Variants in EPHB1 observed in about 807,000 individuals in gnomAD.
EPHB1 encodes ephrin type-B receptor 1.
EPHB1 carries 30 observed loss-of-function variants against 94.4 expected under a neutral mutation model. That is an observed-to-expected ratio of 0.32 (90% confidence interval 0.24 to 0.43). The LOEUF is 0.43. Among genes scored for constraint, EPHB1 ranks in the 20% least tolerant of loss-of-function variants. EPHB1 has a pLI of 1.00. For missense variants in EPHB1, 1,055 were observed against 1,308.3 expected (o/e 0.81, Z 2.99); for synonymous variants, 522 against 489.1 (o/e 1.07, Z -0.89).
chr3:134,815,304 G>T (rs1184779084), intron 1 of EPHB1, among the ~76,000 whole-genome samples: 5 of 152,136 alleles, frequency 3.3e-5, no homozygotes, highest in Non-Finnish European at 5.9e-5. Context: ...GAGGAATTAA[G>T]GAGTAAATGG....
chr3:135,010,099 A>G (rs921102540), intron 3 of EPHB1, among the ~76,000 whole-genome samples: 6 of 152,258 alleles, frequency 3.9e-5, no homozygotes, highest in Non-Finnish European at 7.3e-5. Flanking sequence ...TAAAAGCAAT[A>G]TAATTTGATT....
chr3:134,926,379 G>T (rs1353205437), intron 2 of EPHB1, among the ~76,000 whole-genome samples: 1 of 152,224 alleles, frequency 6.6e-6, no homozygotes, highest in African/African-American at 2.4e-5. Context: ...GTGGGAACCA[G>T]TGTGTGGCAC....
At chr3:135,207,906 C>T (rs1942939969) in intron 12 of EPHB1, among the ~76,000 whole-genome samples, 1 of 152,200 alleles carries the variant, frequency 6.6e-6, no homozygotes, top group African/African-American at 2.4e-5. Context: ...TTTGAAAGCA[C>T]ATCAATCCCA....
chr3:135,057,875 G>T (rs960544468), intron 3 of EPHB1, among the ~76,000 whole-genome samples: 1 of 152,190 alleles, frequency 6.6e-6, no homozygotes, highest in African/African-American at 2.4e-5. Context: ...GGGAGCCTTT[G>T]TCTTTTAGGT....
chr3:135,055,375 G>A (rs1265371416), intron 3 of EPHB1, among the ~76,000 whole-genome samples: 42 of 152,212 alleles, frequency 2.8e-4, no homozygotes, highest in Admixed American at 2.7e-3. Context: ...GCCAGCCCCT[G>A]TCTGTGCTGA....
intron 1 of EPHB1, among the ~76,000 whole-genome samples, chr3:134,851,826 C>T (rs908129274): frequency 6.6e-6 from 1 of 152,192 alleles, no homozygotes; most frequent in African/African-American, 2.4e-5. Flanking sequence ...TCATGATAGC[C>T]TGGAAAAATA....
Position 134,896,856 on chromosome 3 carries a change from G to A in EPHB1, c.59-28960G>A, listed in dbSNP as rs111250348. On this transcript the variant is annotated intron_variant, in intron 1 of 15. Coordinates refer to ENST00000398015, the MANE Select transcript of EPHB1 (RefSeq NM_004441.5). ...CCCAAGAGCCCTTGGGTGTCCAAGCGAGTGGAGGTTGGCGAAGGGTGAGCC... is the reference window on the plus strand; with the variant it reads ...CCCAAGAGCCCTTGGGTGTCCAAGCAAGTGGAGGTTGGCGAAGGGTGAGCC... 7.1e-3 allele frequency among the ~76,000 whole-genome samples: 1,078 copies of A among 152,370 alleles called. 8 individuals are homozygous for A. Among genetic ancestry groups the A allele is most frequent in the South Asian group, 0.029 (141 of 4,834 alleles).
chr3:134,859,765 A>T (rs1560268452), intron 1 of EPHB1, among the ~76,000 whole-genome samples: 3 of 152,222 alleles, frequency 2.0e-5, no homozygotes, highest in African/African-American at 7.2e-5. Flanking sequence ...GATTTTGGTC[A>T]GAAAATCGCT....
intron 1 of EPHB1, among the ~76,000 whole-genome samples, chr3:134,825,194 C>T (rs2036454062): frequency 6.6e-6 from 1 of 152,162 alleles, no homozygotes; most frequent in South Asian, 2.1e-4. Flanking sequence ...AGGGGATGGC[C>T]AGTGCAGGCC....
intron 2 of EPHB1, among the ~76,000 whole-genome samples, chr3:134,927,423 A>G (rs990569065): frequency 6.6e-6 from 1 of 152,236 alleles, no homozygotes; most frequent in African/African-American, 2.4e-5. Context: ...GCCAGACCAC[A>G]CTGAACAAGG....
intron 3 of EPHB1, among the ~76,000 whole-genome samples, chr3:135,005,758 A>T (rs184592140): frequency 4.7e-4 from 72 of 152,346 alleles, no homozygotes; most frequent in Middle Eastern, 3.4e-3. Flanking sequence ...TGATTAGGAA[A>T]GGGAACTCCC....
chr3:135,250,036 A>G (rs1241546179), intron 15 of EPHB1, among the ~76,000 whole-genome samples: 1 of 152,242 alleles, frequency 6.6e-6, no homozygotes, highest in South Asian at 2.1e-4. Context: ...AGTTTTAAAG[A>G]TCCATGTGGT....
rs765674727 is a variant in EPHB1 at position 135,132,816 on chromosome 3, C to A, written c.1064C>A (p.Thr355Asn). 4 of 1,613,882 alleles carry A rather than the reference C, an allele frequency of 2.5e-6. No individual in the cohort carries two copies. Among genetic ancestry groups the A allele is most frequent in the Non-Finnish European group, 2.5e-6 (3 of 1,179,888 alleles). ...PRETGGRDDV[T>N]YNIICKKCRA... ...GAGACAGGTGGGCGGGATGATGTGACCTACAACATCATCTGCAAAAAGTGC... is the reference window on the plus strand; with the variant it reads ...GAGACAGGTGGGCGGGATGATGTGAACTACAACATCATCTGCAAAAAGTGC... Residue 355 changes from threonine (T) to asparagine (N), a missense_variant, in exon 5 of 16, where the codon ACC becomes AAC. Coordinates refer to ENST00000398015, the MANE Select transcript of EPHB1 (RefSeq NM_004441.5).
intron 15 of EPHB1, among the ~76,000 whole-genome samples, chr3:135,255,091 T>C (rs1467671424): frequency 2.0e-5 from 3 of 152,160 alleles, no homozygotes; most frequent in Admixed American, 6.5e-5. Flanking sequence ...ATTGTGTCTA[T>C]TTGATTCCTC....
At position 135,171,439 on chromosome 3, in the gene EPHB1, C is replaced by T. The variant is rs114217399; in HGVS notation, c.1759+4433C>T. Among the ~76,000 whole-genome samples the T allele has an allele frequency of 9.9e-3, 1,508 of 152,172 alleles. 13 individuals are homozygous for T. The highest frequency in any genetic ancestry group is 0.027 in the Middle Eastern group (8 of 294). On this transcript the variant is annotated intron_variant, in intron 9 of 15. Transcript: ENST00000398015. Reference sequence around the variant, plus strand: ...GTTTGATTGTTTTTTAAATTCATGACTCAGGTGCAAGCATAGGGAAGCTTA... The same window carrying T: ...GTTTGATTGTTTTTTAAATTCATGATTCAGGTGCAAGCATAGGGAAGCTTA...
intron 3 of EPHB1, among the ~76,000 whole-genome samples, chr3:135,004,030 G>A (rs1354439848): frequency 2.0e-5 from 3 of 151,596 alleles, no homozygotes; most frequent in Non-Finnish European, 4.4e-5. Context: ...TTGCTTGTTA[G>A]TTGATGTAGT....
At chr3:134,825,130 T>C (rs568134341) in intron 1 of EPHB1, among the ~76,000 whole-genome samples, 19 of 152,314 alleles carry the variant, frequency 1.2e-4, no homozygotes, top group Admixed American at 8.5e-4. Context: ...CCCAGACAGG[T>C]CCAGGGTCAG....
At chr3:134,885,844 A>G (rs2037852402) in intron 1 of EPHB1, among the ~76,000 whole-genome samples, 1 of 152,162 alleles carries the variant, frequency 6.6e-6, no homozygotes, top group Non-Finnish European at 1.5e-5. Context: ...CTTTTGGAGA[A>G]TGAGTGGCAT....
At chr3:135,114,594 T>C (rs1412308715) in intron 4 of EPHB1, among the ~76,000 whole-genome samples, 3 of 142,988 alleles carry the variant, frequency 2.1e-5, no homozygotes, top group Non-Finnish European at 4.5e-5. Flanking sequence ...CGTGGTGGCA[T>C]GTTCCTGTAG....
Sources: allele counts gnomAD v4.1 joint callset (sites outside exome capture counted in the v4.1 genomes callset), GRCh38; gene constraint gnomAD v4.1.1; transcripts MANE v1.5; gene names NCBI Gene and HGNC (gene_info 2026-07-23, HGNC 2026-07-21).